Variants in CPQ observed in about 807,000 individuals in gnomAD.
CPQ encodes carboxypeptidase Q, also known as Ser-Met dipeptidase.
Under a neutral mutation model 45.7 loss-of-function variants are expected in CPQ, and 37 were observed. The observed-to-expected ratio is 0.81, with a 90% CI of 0.62 to 1.07. CPQ has a LOEUF of 1.07. Among genes scored for constraint, CPQ ranks in the 50% least tolerant of loss-of-function variants. CPQ has a pLI of 0.00. For missense variants in CPQ, 537 were observed against 572.9 expected (o/e 0.94, Z 0.64); for synonymous variants, 186 against 205.8 (o/e 0.90, Z 0.82).
intron 1 of CPQ, among the ~76,000 whole-genome samples, chr8:96,709,330 T>C (rs554528521): frequency 2.6e-5 from 4 of 152,282 alleles, no homozygotes; most frequent in African/African-American, 9.6e-5. Context: ...CTCCCACTTA[T>C]AAGTGAGATC....
intron 2 of CPQ, among the ~76,000 whole-genome samples, chr8:96,811,661 A>G (rs1811163024): frequency 6.6e-6 from 1 of 152,194 alleles, no homozygotes; most frequent in South Asian, 2.1e-4. Context: ...ATGAATTTTT[A>G]TTTCCAGGTA....
chr8:96,930,774 G>A (rs1266731147), intron 4 of CPQ, among the ~76,000 whole-genome samples: 2 of 152,152 alleles, frequency 1.3e-5, no homozygotes, highest in Admixed American at 6.5e-5. Context: ...CCAAGATAAG[G>A]AAAAACTTTT....
At chr8:96,956,199 T>C (rs1377221841) in intron 4 of CPQ, among the ~76,000 whole-genome samples, 1 of 152,186 alleles carries the variant, frequency 6.6e-6, no homozygotes, top group Non-Finnish European at 1.5e-5. Flanking sequence ...CTTATGGACT[T>C]TCAGTCTAAG....
chr8:96,673,643 T>A (rs1405956152), intron 1 of CPQ, among the ~76,000 whole-genome samples: 1 of 152,158 alleles, frequency 6.6e-6, no homozygotes, highest in Non-Finnish European at 1.5e-5. Context: ...GGTCCCTGCC[T>A]CCTGGCGCTA....
At chr8:96,962,163 T>C (rs1466509720) in intron 4 of CPQ, among the ~76,000 whole-genome samples, 2 of 152,198 alleles carry the variant, frequency 1.3e-5, no homozygotes, top group Non-Finnish European at 2.9e-5. Flanking sequence ...AGGCCCTCAT[T>C]CCCAAGGTAG....
chr8:97,026,035 G>C (rs1236556325), intron 5 of CPQ, among the ~76,000 whole-genome samples: 6 of 152,138 alleles, frequency 3.9e-5, no homozygotes, highest in African/African-American at 1.4e-4. Flanking sequence ...TTTTCCTACA[G>C]GTTAGATAAA....
At chr8:96,870,146 G>A (rs1276754006) in intron 3 of CPQ, among the ~76,000 whole-genome samples, 2 of 146,878 alleles carry the variant, frequency 1.4e-5, no homozygotes, top group African/African-American at 5.0e-5. Context: ...GTCAGGCACA[G>A]TACAGTGCTT....
At chr8:96,727,492 T>G (rs540253025) in intron 1 of CPQ, among the ~76,000 whole-genome samples, 1 of 152,338 alleles carries the variant, frequency 6.6e-6, no homozygotes, top group African/African-American at 2.4e-5. Flanking sequence ...TGCTATGTTC[T>G]GTGGCAGTAC....
At chr8:96,930,485 G>T (rs1236123944) in intron 4 of CPQ, among the ~76,000 whole-genome samples, 1 of 152,176 alleles carries the variant, frequency 6.6e-6, no homozygotes, top group Non-Finnish European at 1.5e-5. Context: ...TCACAAACAT[G>T]ATTACCAAAA....
chr8:96,719,431 C>T (rs1306791940), intron 1 of CPQ, among the ~76,000 whole-genome samples: 1 of 152,208 alleles, frequency 6.6e-6, no homozygotes, highest in Non-Finnish European at 1.5e-5. Context: ...GTTCCGCAAG[C>T]ACCGCACGCA....
intron 4 of CPQ, among the ~76,000 whole-genome samples, chr8:96,926,627 TCCTTCTC>T (rs1812892817): frequency 8.1e-5 from 11 of 135,192 alleles, no homozygotes; most frequent in African/African-American, 2.4e-4. Flanking sequence ...CTTCTTCTCC[TCCTTCTC>T]CTTCTTCTTC....
chr8:96,699,828 C>T lies in CPQ; in HGVS notation c.-35+54426C>T, dbSNP rs1350372468. Among the ~76,000 whole-genome samples the T allele has an allele frequency of 3.9e-5, 6 of 152,164 alleles. No homozygotes were observed. The East Asian group carries it at 1.2e-3, about 29-fold the overall frequency. ...CAGAGATCAGTGAGAGGTGGCCAAACTGTCCTTATCACTCTAAACTGTCAC... is the reference window on the plus strand; with the variant it reads ...CAGAGATCAGTGAGAGGTGGCCAAATTGTCCTTATCACTCTAAACTGTCAC... On this transcript the variant is annotated intron_variant, in intron 1 of 7. Coordinates refer to ENST00000220763, the MANE Select transcript of CPQ (RefSeq NM_016134.4).
intron 1 of CPQ, among the ~76,000 whole-genome samples, chr8:96,703,835 G>C (rs1222934245): frequency 1.3e-5 from 2 of 152,158 alleles, no homozygotes; most frequent in Non-Finnish European, 2.9e-5. Context: ...GAATCTGTAA[G>C]GGGATTCTTA....
At chr8:97,140,692 G>A (rs1368045984) in intron 7 of CPQ, among the ~76,000 whole-genome samples, 1 of 151,990 alleles carries the variant, frequency 6.6e-6, no homozygotes, top group Non-Finnish European at 1.5e-5. Flanking sequence ...TACTTTTGGA[G>A]TATATTTAAA....
At chr8:96,976,340 A>G (rs550738967) in intron 5 of CPQ, among the ~76,000 whole-genome samples, 19 of 151,990 alleles carry the variant, frequency 1.3e-4, no homozygotes, top group African/African-American at 4.3e-4. Context: ...CTCTGCTGAA[A>G]GAAATCATAG....
intron 1 of CPQ, among the ~76,000 whole-genome samples, chr8:96,769,706 T>C (rs962219186): frequency 2.7e-5 from 4 of 150,406 alleles, no homozygotes; most frequent in African/African-American, 9.8e-5. Context: ...ATATTGACTC[T>C]GTGCAGCCTT....
At chr8:96,911,414 G>C (rs1204141853) in intron 4 of CPQ, among the ~76,000 whole-genome samples, 2 of 152,206 alleles carry the variant, frequency 1.3e-5, no homozygotes, top group African/African-American at 2.4e-5. Flanking sequence ...GGTGTGAAAA[G>C]AGTCTTTGGG....
At chr8:97,070,971 T>C (rs1189321564) in intron 7 of CPQ, among the ~76,000 whole-genome samples, 1 of 151,982 alleles carries the variant, frequency 6.6e-6, no homozygotes, top group African/African-American at 2.4e-5. Flanking sequence ...CTTTAGAAAC[T>C]CTTTCACAAA....
At chr8:96,934,434 G>T (rs566289311) in intron 4 of CPQ, among the ~76,000 whole-genome samples, 4 of 152,118 alleles carry the variant, frequency 2.6e-5, no homozygotes, top group Admixed American at 6.6e-5. Flanking sequence ...GCCAAGTCAC[G>T]CATTAAGTAT....
Sources: gnomAD v4.1 joint callset for allele counts (sites outside exome capture counted in the v4.1 genomes callset) on GRCh38, gnomAD v4.1.1 for gene constraint, MANE v1.5 for transcripts, NCBI Gene and HGNC (gene_info 2026-07-23, HGNC 2026-07-21) for gene names.